The following SPMIP4 variants were observed in gnomAD, a reference collection of about 807,000 sequenced individuals.
SPMIP4 encodes sperm-associated microtubule inner protein 4.
At chr7:25,170,195 C>A in the SPMIP4 span, among the ~76,000 whole-genome samples, 8 of 152,296 alleles carry the variant, frequency 5.3e-5, no homozygotes, top group South Asian at 1.7e-3. Context: ...TCTTTGCCAA[C>A]ACTTGCTATT....
chr7:25,135,957 G>A, the SPMIP4 span: 1 of 1,565,810 alleles, frequency 6.4e-7, no homozygotes, highest in East Asian at 2.3e-5. Flanking sequence ...GGTTTTGAAG[G>A]GAAGAATGAG....
chr7:25,135,943 G>A, the SPMIP4 span: 2 of 1,548,944 alleles, frequency 1.3e-6, no homozygotes, highest in South Asian at 1.3e-5. Context: ...CTTGCAAGAG[G>A]CTGGGTTTTG....
At chr7:25,154,871 C>T in the SPMIP4 span, 5 of 757,962 alleles carry the variant, frequency 6.6e-6, no homozygotes, top group African/African-American at 3.6e-5. Context: ...TTTGTAAAGT[C>T]GCAGCTGTGA....
the SPMIP4 span, chr7:25,125,798 C>G: frequency 2.0e-6 from 1 of 499,408 alleles, no homozygotes; most frequent in South Asian, 8.6e-5. Context: ...GCGCCAACAG[C>G]ATCCTAGAGG....
the SPMIP4 span, among the ~76,000 whole-genome samples, chr7:25,146,146 C>CAGAG: frequency 6.7e-6 from 1 of 149,800 alleles, no homozygotes; most frequent in African/African-American, 2.4e-5. Flanking sequence ...GGAATGAAGA[C>CAGAG]AGAGAGAGAG....
the SPMIP4 span, among the ~76,000 whole-genome samples, chr7:25,149,397 C>G: frequency 5.3e-5 from 8 of 152,088 alleles, no homozygotes; most frequent in African/African-American, 7.2e-5. Context: ...GTTACTCCCA[C>G]GAAGCTCAGC....
At chr7:25,167,827 A>T in the SPMIP4 span, among the ~76,000 whole-genome samples, 2 of 152,184 alleles carry the variant, frequency 1.3e-5, no homozygotes, top group Non-Finnish European at 2.9e-5. Flanking sequence ...GTTGAATTTT[A>T]ATGTGTTTTG....
chr7:25,151,332 A>G, the SPMIP4 span, among the ~76,000 whole-genome samples: 90,717 of 151,110 alleles, frequency 0.6, 28,382 homozygotes, highest in Non-Finnish European at 0.69. Context: ...AGCGATTCTC[A>G]TGCCTCAGCC....
the SPMIP4 span, chr7:25,136,639 G>A: frequency 1.9e-6 from 3 of 1,614,140 alleles, no homozygotes; most frequent in Non-Finnish European, 2.5e-6. This position sits in a 1 kb window ranked among gnomAD's most constrained non-coding sequence, Gnocchi z 5.7. Flanking sequence ...GGGTACAAAG[G>A]TATGAAAATT....
At chr7:25,126,932 T>C in the SPMIP4 span, among the ~76,000 whole-genome samples, 1 of 152,314 alleles carries the variant, frequency 6.6e-6, no homozygotes, top group South Asian at 2.1e-4. Context: ...CTCCCTCACA[T>C]CTGAAGGATA....
chr7:25,145,924 G>GT, the SPMIP4 span, among the ~76,000 whole-genome samples: 30,421 of 147,864 alleles, frequency 0.21, 3,160 homozygotes, highest in East Asian at 0.28. Context: ...AGCAAATATA[G>GT]TTTTTTTTTT....
the SPMIP4 span, among the ~76,000 whole-genome samples, chr7:25,166,405 G>GTGAAACCC: frequency 1.3e-5 from 2 of 151,816 alleles, no homozygotes; most frequent in Non-Finnish European, 2.9e-5. Context: ...GGCTAACACG[G>GTGAAACCC]TGAAACCCCG....
the SPMIP4 span, among the ~76,000 whole-genome samples, chr7:25,149,939 C>T: frequency 2.0e-5 from 3 of 152,178 alleles, no homozygotes; most frequent in Admixed American, 2.0e-4. Context: ...GCACACAGGC[C>T]TCCTGACCTG....
At chr7:25,144,790 TAG>T in the SPMIP4 span, among the ~76,000 whole-genome samples, 1 of 152,176 alleles carries the variant, frequency 6.6e-6, no homozygotes, top group African/African-American at 2.4e-5. Context: ...CCTGTGAGAT[TAG>T]AGTGATTCCA....
the SPMIP4 span, among the ~76,000 whole-genome samples, chr7:25,178,154 C>T: frequency 6.6e-6 from 1 of 152,208 alleles, no homozygotes. Context: ...TTTTTTATGG[C>T]TGCATAGTAT....
the SPMIP4 span, among the ~76,000 whole-genome samples, chr7:25,144,334 A>G: frequency 0.013 from 1,915 of 152,336 alleles, 47 homozygotes; most frequent in African/African-American, 0.043. Flanking sequence ...GACTTCTTGG[A>G]CTACTTCGAG....
At chr7:25,156,208 A>G in the SPMIP4 span, among the ~76,000 whole-genome samples, 28,365 of 152,028 alleles carry the variant, frequency 0.19, 3,850 homozygotes, top group African/African-American at 0.39. Context: ...TGCATCTACA[A>G]GCCAAGGAGT....
At chr7:25,171,226 G>C in the SPMIP4 span, among the ~76,000 whole-genome samples, 3 of 152,168 alleles carry the variant, frequency 2.0e-5, no homozygotes, top group African/African-American at 7.2e-5. Flanking sequence ...TCTTGAAACT[G>C]GTAGCTCAGA....
the SPMIP4 span, among the ~76,000 whole-genome samples, chr7:25,141,631 A>C: frequency 6.6e-6 from 1 of 150,614 alleles, no homozygotes; most frequent in Admixed American, 6.6e-5. Flanking sequence ...GAATCTCATT[A>C]AATCACTAGT....
Sources: allele counts gnomAD v4.1 joint callset (sites outside exome capture counted in the v4.1 genomes callset), GRCh38; gene constraint gnomAD v4.1.1; non-coding constraint Gnocchi (gnomAD v3.1); transcripts MANE v1.5; gene names NCBI Gene and HGNC (gene_info 2026-07-23, HGNC 2026-07-21).